Variants in DOCK7 observed in about 807,000 individuals in gnomAD.
The protein encoded by DOCK7 is dedicator of cytokinesis protein 7.
DOCK7 carries 138 observed loss-of-function variants against 271.0 expected under a neutral mutation model. The ratio of observed to expected loss-of-function variants is 0.51; its 90% CI spans 0.44 to 0.59. DOCK7 has a LOEUF of 0.59. Ranked by LOEUF, DOCK7 falls within the 20% of genes least tolerant of loss-of-function variation. The pLI is 0.00. For missense variants in DOCK7, 2,066 were observed against 2,592.4 expected (o/e 0.80, Z 4.41); for synonymous variants, 823 against 876.1 (o/e 0.94, Z 1.07).
chr1:62,630,560 C>T (rs566749007), intron 11 of DOCK7, among the ~76,000 whole-genome samples: 2 of 152,178 alleles, frequency 1.3e-5, no homozygotes, highest in African/African-American at 4.8e-5. Context: ...TAAGACATGC[C>T]AATTAACCTC....
chr1:62,628,195 G>T (rs1197095529), intron 11 of DOCK7: 1 of 152,248 alleles, frequency 6.6e-6, no homozygotes, highest in African/African-American at 2.4e-5. Context: ...GCTCCTACCA[G>T]AATCTAATGC....
intron 7 of DOCK7, among the ~76,000 whole-genome samples, chr1:62,644,924 A>G (rs576240765): frequency 9.1e-4 from 138 of 152,296 alleles, no homozygotes; most frequent in African/African-American, 3.2e-3. Context: ...AAATCATTCT[A>G]TATTTTATTT....
At position 62,660,360 on chromosome 1, in the gene DOCK7, A is replaced by G. The variant is rs557654929; in HGVS notation, c.144+2665T>C. Reference sequence around the variant, plus strand: ...TCTGAAAAATGAAATGAAAAAATACATTGAACTAAATGAAAATACAACATA... The same window carrying G: ...TCTGAAAAATGAAATGAAAAAATACGTTGAACTAAATGAAAATACAACATA... On this transcript the variant is annotated intron_variant, in intron 2 of 49. Coordinates refer to ENST00000635253, the MANE Select transcript of DOCK7 (RefSeq NM_001367561.1). Among the ~76,000 whole-genome samples, 9 of 152,364 alleles carry G rather than the reference A, an allele frequency of 5.9e-5. No individual in the cohort carries two copies. In the East Asian group the frequency reaches 1.7e-3, roughly 29 times the overall value.
intron 28 of DOCK7, among the ~76,000 whole-genome samples, chr1:62,536,145 T>C (rs1307322614): frequency 6.6e-6 from 1 of 152,104 alleles, no homozygotes; most frequent in Non-Finnish European, 1.5e-5. Context: ...CTTCAAAATA[T>C]TATAGCATTC....
rs201452223 is a variant in DOCK7, at chr1:62,455,430, C to T, written c.6407G>A (p.Arg2136His). The change falls in exon 50 of 50, where the codon CGC becomes CAC. Residue 2136 changes from arginine (R) to histidine (H), a missense_variant. Arg to His is a conservative substitution (Grantham distance 29, BLOSUM62 0). Transcript: ENST00000635253. Reference protein sequence around the residue: ...HRDSFSRMSLRKMDL With the variant: ...HRDSFSRMSLHKMDL ...GCATTCAGTTTAGAGATCCATTTTG[C>T]GAAGGCTCATTCGACTGAAGGAATC... is the stretch of plus-strand genomic sequence containing the variant. The T allele has an allele frequency of 1.7e-5, 27 of 1,613,484 alleles. No homozygotes were observed. The East Asian group carries it at 4.2e-4, about 25-fold the overall frequency.
chr1:62,536,894 T>C (rs1017324578), intron 28 of DOCK7, among the ~76,000 whole-genome samples: 2 of 152,186 alleles, frequency 1.3e-5, no homozygotes, highest in African/African-American at 4.8e-5. Flanking sequence ...AATCTCTTCA[T>C]CTCAATTTAT....
rs199695625 is a variant in DOCK7, at chr1:62,648,490, T to C, written c.444A>G (p.Glu148=). ...CTTGTTTTGGCAAACCTTTTTGCCT[T>C]TCTTTCTGTTTATCTAATGTATTGG... ...FNPNTLDKQK[E]RQKGLPKQVF... The change falls in exon 5 of 50, where the codon GAA becomes GAG. Residue 148 remains glutamate (E), a synonymous_variant. Coordinates refer to ENST00000635253, the MANE Select transcript of DOCK7 (RefSeq NM_001367561.1). 2.1e-5 allele frequency: 32 copies of C among 1,511,302 alleles called. No individual in the cohort carries two copies. Among genetic ancestry groups the C allele is most frequent in the Non-Finnish European group, 2.7e-5 (30 of 1,120,520 alleles). 93.6% of individuals were successfully genotyped at this position (1,511,302 alleles called of 1,614,324 possible). A position where few individuals can be genotyped will look rare whatever the true frequency, so the allele number is the denominator to read the frequency against.
Position 62,538,022 on chromosome 1 carries a change from G to A in DOCK7, c.3340C>T (p.Leu1114=). The stretch of plus-strand genomic sequence containing the variant: ...AGAAAATCCAGCCTCAAGGACACCA[G>A]AACACTGGGATTCGGTAATGAGTAA... The part of the protein sequence containing the change: ...KLYSLPNPSV[L]VSLRLDFLRI... Residue 1114 remains leucine, a synonymous_variant, in exon 28 of 50, where the codon CTG becomes TTG. Coordinates refer to ENST00000635253, the MANE Select transcript of DOCK7 (RefSeq NM_001367561.1). The A allele has an allele frequency of 6.2e-7, 1 of 1,613,994 alleles. No individual in the cohort carries two copies. Among genetic ancestry groups the A allele is most frequent in the East Asian group, 2.2e-5 (1 of 44,842 alleles).
intron 1 of DOCK7, among the ~76,000 whole-genome samples, chr1:62,679,700 A>T (rs1660898106): frequency 6.6e-6 from 1 of 152,330 alleles, no homozygotes; most frequent in African/African-American, 2.4e-5. Flanking sequence ...AAATTTCTAC[A>T]ACCACTTTAG....
intron 14 of DOCK7, chr1:62,597,461 C>A: frequency 7.9e-7 from 1 of 1,268,268 alleles, no homozygotes; most frequent in Non-Finnish European, 1.1e-6. Flanking sequence ...ACCTACCAAC[C>A]TTACCTTTTC....
chr1:62,645,107 T>A (rs1656489681), intron 7 of DOCK7, among the ~76,000 whole-genome samples: 1 of 152,178 alleles, frequency 6.6e-6, no homozygotes, highest in Non-Finnish European at 1.5e-5. Context: ...AGTGGTAATG[T>A]AAAATGGTGC....
chr1:62,500,093 C>A (rs1013879449), intron 37 of DOCK7, among the ~76,000 whole-genome samples: 2 of 151,988 alleles, frequency 1.3e-5, no homozygotes, highest in African/African-American at 4.8e-5. Context: ...CCAAGATAAC[C>A]CAGCTTATCC....
chr1:62,661,961 T>C (rs1658714225), intron 2 of DOCK7, among the ~76,000 whole-genome samples: 1 of 152,218 alleles, frequency 6.6e-6, no homozygotes, highest in Admixed American at 6.5e-5. Context: ...AAAATCCATA[T>C]ATTCTAAAAT....
At chr1:62,552,948 GA>G in intron 21 of DOCK7, 47 bp from the exon 22 acceptor site, 1 of 1,336,840 alleles carries the variant, frequency 7.5e-7, no homozygotes, top group Non-Finnish European at 9.7e-7. Flanking sequence ...AATTAGTCAG[GA>G]AAGGATCTGA....
At chr1:62,655,606 T>G (rs1206609367) in intron 2 of DOCK7, among the ~76,000 whole-genome samples, 1 of 152,072 alleles carries the variant, frequency 6.6e-6, no homozygotes, top group Non-Finnish European at 1.5e-5. Flanking sequence ...TGTGTTTTTT[T>G]GTAGAGACAG....
chr1:62,686,933 C>T (rs1453489091), intron 1 of DOCK7, among the ~76,000 whole-genome samples: 1 of 151,894 alleles, frequency 6.6e-6, no homozygotes, highest in African/African-American at 2.4e-5. Context: ...GGTGCAACAC[C>T]ACACCTGGCT....
Position 62,575,958 on chromosome 1 carries a change from T to C in DOCK7, c.2112+1304A>G, listed in dbSNP as rs149411298. 3.9e-3 allele frequency among the ~76,000 whole-genome samples: 588 copies of C among 152,298 alleles called. 1 individual carries two copies. Among genetic ancestry groups the C allele is most frequent in the Middle Eastern group, 0.01 (3 of 294 alleles). ...GCTCTCTGACAAATGGCCACCTTTC[T>C]ATATAACAAAGTCACATGAAAAAGT... is the stretch of plus-strand genomic sequence containing the variant. On this transcript the variant is annotated intron_variant, in intron 18 of 49. Transcript: ENST00000635253.
At chr1:62,461,677 T>TAAATAAAATAAAATAAAATA (rs71045843) in intron 48 of DOCK7, among the ~76,000 whole-genome samples, 203 of 134,970 alleles carry the variant, frequency 1.5e-3, no homozygotes, top group East Asian at 2.0e-3. Flanking sequence ...TCTCAAAAAA[T>TAAATAAAATAAAATAAAATA]AAATAAAATA....
chr1:62,611,118 G>A (rs1651731919), intron 14 of DOCK7, among the ~76,000 whole-genome samples: 1 of 152,088 alleles, frequency 6.6e-6, no homozygotes. Context: ...AAATATTGTT[G>A]ATGCTTATTA....
Sources: gnomAD v4.1 joint callset for allele counts (sites outside exome capture counted in the v4.1 genomes callset) on GRCh38, gnomAD v4.1.1 for gene constraint, MANE v1.5 for transcripts, NCBI Gene and HGNC (gene_info 2026-07-23, HGNC 2026-07-21) for gene names.